TLE6: variants seen among roughly 807,000 people sequenced by gnomAD.
The protein encoded by TLE6 is transducin-like enhancer protein 6.
A neutral mutation model predicts 77.1 loss-of-function variants in TLE6; 72 were observed. The observed-to-expected ratio is 0.93, with a 90% CI of 0.77 to 1.14. The LOEUF is 1.14. TLE6 is among the 50% of genes most tolerant of loss of function. The probability of loss-of-function intolerance (pLI) is 0.00; values close to 1 mark genes in which losing one functional copy is unlikely to be tolerated. For missense variants in TLE6, 843 were observed against 747.6 expected, an observed-to-expected ratio of 1.13 and a Z score of -1.49; for synonymous variants, 366 against 287.3, an observed-to-expected ratio of 1.27 and a Z score of -2.77.
intron 5 of TLE6, among the ~76,000 whole-genome samples, chr19:2,983,556 G>A (rs1317963035): frequency 6.6e-6 from 1 of 151,978 alleles, no homozygotes; most frequent in East Asian, 1.9e-4. Context: ...GAGGCAGGAC[G>A]GTGCCTGTTG....
At chr19:2,991,664 T>C (rs1288165203) in intron 13 of TLE6, among the ~76,000 whole-genome samples, 179 bp from the exon 14 acceptor site, 1 of 149,956 alleles carries the variant, frequency 6.7e-6, no homozygotes, top group East Asian at 2.0e-4. Context: ...GGCTGAGGGC[T>C]GGGAGGGGCC....
intron 2 of TLE6, among the ~76,000 whole-genome samples, chr19:2,979,173 C>T (rs1006137546): frequency 1.8e-4 from 28 of 152,070 alleles, no homozygotes; most frequent in African/African-American, 6.8e-4. Context: ...AGGCTGGTCT[C>T]GAGCTCCTGA....
At chr19:2,989,359 G>GGGGGTTT in intron 12 of TLE6, 46 bp downstream of exon 12, 1 of 1,603,476 alleles carries the variant, frequency 6.2e-7, no homozygotes, top group Non-Finnish European at 8.5e-7. Flanking sequence ...TCTGGGAACA[G>GGGGGTTT]GGGGTTTGAG....
chr19:2,993,875 C>T (rs2089144482), intron 15 of TLE6, 144 bp from the exon 16 acceptor site: 1 of 720,362 alleles, frequency 1.4e-6, no homozygotes, highest in African/African-American at 2.0e-5. Context: ...TGTGATCATA[C>T]CACTGACTGT....
chr19:2,987,470 C>T, intron 8 of TLE6, 98 bp downstream of exon 8: 1 of 1,552,078 alleles, frequency 6.4e-7, no homozygotes. Context: ...TGGGATTTGT[C>T]TTCCTTCCAT....
intron 2 of TLE6, among the ~76,000 whole-genome samples, chr19:2,978,971 T>G (rs375937412): frequency 1.6e-4 from 25 of 152,258 alleles, no homozygotes; most frequent in African/African-American, 6.0e-4. Context: ...TTATTATGTT[T>G]GAGACGGAGT....
Position 2,991,851 on chromosome 19 carries a change from A to G in TLE6, c.1253A>G (p.Lys418Arg), listed in dbSNP as rs762010740. ...LRDQSVVRDL[K>R]GYPDGVKSIV... ...ATGTCCCTTCTGGCCAGGGACCTCA[A>G]GGGTTATCCTGATGGAGTCAAGAGT... Residue 418 changes from lysine (K) to arginine (R), a missense_variant, in exon 14 of 17, where the codon AAG becomes AGG. By Grantham distance (26) the Lys-to-Arg change is conservative. Transcript: ENST00000246112. The G allele has an allele frequency of 7.4e-6, 12 of 1,613,696 alleles. No individual in the cohort carries two copies. The highest frequency in any genetic ancestry group is 1.7e-5 in the Admixed American group (1 of 59,890).
At chr19:2,985,399 C>CTTTTTT (rs1158204473) in intron 5 of TLE6, among the ~76,000 whole-genome samples, 4,059 of 89,970 alleles carry the variant, frequency 0.045, 389 homozygotes, top group Non-Finnish European at 0.062. Context: ...TGCTTGAAGC[C>CTTTTTT]TTTTTTTTTT....
intron 13 of TLE6, 72 bp from the exon 14 acceptor site, chr19:2,991,771 G>A: frequency 1.3e-6 from 2 of 1,487,456 alleles, no homozygotes; most frequent in Admixed American, 1.7e-5. Flanking sequence ...CCCAAATGTA[G>A]TGACTGGTGT....
At chr19:2,987,323 TC>T (rs747892066) in intron 7 of TLE6, 32 bp from the exon 8 acceptor site, 9 of 1,613,902 alleles carry the variant, frequency 5.6e-6, no homozygotes. Flanking sequence ...GTTCTCTCTG[TC>T]CCCCTCCTCC....
At chr19:2,988,915 T>C (rs2088976422) in intron 11 of TLE6, 146 bp from the exon 12 acceptor site, 13 of 602,004 alleles carry the variant, frequency 2.2e-5, no homozygotes, top group Non-Finnish European at 3.1e-5. Flanking sequence ...GAGCAGGACA[T>C]TGAGGGGAGT....
chr19:2,994,325 G>T (rs904861888), intron 16 of TLE6, among the ~76,000 whole-genome samples: 2 of 151,908 alleles, frequency 1.3e-5, no homozygotes, highest in African/African-American at 4.8e-5. Flanking sequence ...AAAATAATTA[G>T]CTGAGCCGGG....
chr19:2,985,518 CCTG>C (rs1404358641), intron 5 of TLE6, among the ~76,000 whole-genome samples: 1 of 146,690 alleles, frequency 6.8e-6, no homozygotes, highest in African/African-American at 2.5e-5. Context: ...AAGCCATTCT[CCTG>C]CCTCAGCCTC....
chr19:2,986,914 A>G, intron 6 of TLE6, 23 bp downstream of exon 6: 1 of 1,552,390 alleles, frequency 6.4e-7, no homozygotes, highest in Admixed American at 2.0e-5. Flanking sequence ...GTCTTCAAGG[A>G]GGGGAGGGGA....
chr19:2,980,072 T>G, intron 2 of TLE6, 28 bp from the exon 3 acceptor site: 1 of 1,545,090 alleles, frequency 6.5e-7, no homozygotes, highest in South Asian at 1.2e-5. Context: ...ATTGTAAGTT[T>G]TATGTAACCT....
intron 3 of TLE6, 32 bp downstream of exon 3, chr19:2,980,214 C>G (rs757781489): frequency 6.5e-7 from 1 of 1,530,134 alleles, no homozygotes; most frequent in Non-Finnish European, 8.8e-7. Flanking sequence ...GGAGGTCTCA[C>G]GCTGGGAAGG....
At chr19:2,982,049 G>C (rs10445609) in intron 4 of TLE6, 99 bp from the exon 5 acceptor site, 326,028 of 1,239,634 alleles carry the variant, frequency 0.26, 46,017 homozygotes, top group African/African-American at 0.32. Context: ...AATTTAAGGT[G>C]GGGGAGTAGG....
intron 3 of TLE6, 32 bp downstream of exon 3, chr19:2,980,214 C>A (rs757781489): frequency 5.9e-6 from 9 of 1,530,134 alleles, no homozygotes; most frequent in Non-Finnish European, 8.0e-6. Flanking sequence ...GGAGGTCTCA[C>A]GCTGGGAAGG....
chr19:2,986,717 A>C, intron 5 of TLE6, 112 bp from the exon 6 acceptor site: 3 of 1,148,786 alleles, frequency 2.6e-6, no homozygotes, highest in Non-Finnish European at 3.7e-6. Flanking sequence ...CTGTCTCAAA[A>C]AAACAAGTAG....
Sources: allele counts gnomAD v4.1 joint callset (sites outside exome capture counted in the v4.1 genomes callset), GRCh38; gene constraint gnomAD v4.1.1; transcripts MANE v1.5; gene names NCBI Gene and HGNC (gene_info 2026-07-23, HGNC 2026-07-21).